The following PTPN4 variants were observed in gnomAD, a reference collection of about 807,000 sequenced individuals.
PTPN4 encodes tyrosine-protein phosphatase non-receptor type 4.
PTPN4 carries 49 observed loss-of-function variants against 135.5 expected under a neutral mutation model. The ratio of observed to expected loss-of-function variants is 0.36; its 90% CI spans 0.29 to 0.46. The LOEUF (loss-of-function observed/expected upper bound fraction) is 0.46, where lower values mean the gene tolerates loss of function less well. PTPN4 is among the 20% of genes least tolerant of loss of function. The pLI, the probability that PTPN4 is intolerant of heterozygous loss-of-function variation, is 1.00. For synonymous variants in PTPN4, 333 were observed against 369.9 expected (o/e 0.90, Z 1.14); for missense variants, 860 against 1,101.0 (o/e 0.78, Z 3.10).
At chr2:119,817,441 A>G (rs1489185538) in intron 2 of PTPN4, among the ~76,000 whole-genome samples, 1 of 150,586 alleles carries the variant, frequency 6.6e-6, no homozygotes, top group Non-Finnish European at 1.5e-5. Flanking sequence ...TCTGACCATT[A>G]TGTGTCTTGG....
intron 2 of PTPN4, among the ~76,000 whole-genome samples, chr2:119,849,870 A>G (rs577369997): frequency 1.3e-5 from 2 of 152,326 alleles, no homozygotes; most frequent in East Asian, 3.9e-4. Flanking sequence ...AGCTTCAATA[A>G]TTATTGTCTA....
At chr2:119,908,143 G>T (rs1678516415) in intron 10 of PTPN4, among the ~76,000 whole-genome samples, 1 of 152,096 alleles carries the variant, frequency 6.6e-6, no homozygotes, top group African/African-American at 2.4e-5. Context: ...GGAAACAATC[G>T]ACAGAGTATA....
At chr2:119,921,235 G>T (rs554708982) in intron 12 of PTPN4, among the ~76,000 whole-genome samples, 6 of 152,064 alleles carry the variant, frequency 3.9e-5, no homozygotes, top group African/African-American at 1.4e-4. Flanking sequence ...TTCATGAGCC[G>T]ACATCTCGCC....
intron 14 of PTPN4, among the ~76,000 whole-genome samples, chr2:119,933,544 G>A (rs910507578): frequency 6.6e-6 from 1 of 151,642 alleles, no homozygotes. Context: ...GCTGAGCATG[G>A]TGGCGTGCAC....
rs1679725172 is a variant in PTPN4 at position 119,983,541 on chromosome 2, CTA to C, written c.*6472_*6473del. The C allele has an allele frequency of 6.6e-6, 1 of 152,174 alleles. No homozygotes were observed. The highest frequency in any genetic ancestry group is 1.5e-5 in the Non-Finnish European group (1 of 68,036). 9.4% of individuals were successfully genotyped at this position (152,174 alleles called of 1,614,324 possible). On this transcript the variant is annotated 3_prime_UTR_variant, in exon 27 of 27. Transcript: ENST00000263708. ...GGCAAGATTAGGTCAAATTTCAATG[CTA>C]AATTTGATTTTTTGAATTTTAAATA... is the stretch of plus-strand genomic sequence containing the variant.
chr2:119,935,362 T>A (rs1678966866), intron 15 of PTPN4, among the ~76,000 whole-genome samples: 2 of 152,182 alleles, frequency 1.3e-5, no homozygotes, highest in Admixed American at 6.5e-5. Context: ...GAAGATTTTT[T>A]AATTTACCTA....
intron 2 of PTPN4, among the ~76,000 whole-genome samples, chr2:119,843,639 C>T (rs1677419233): frequency 1.1e-5 from 1 of 90,768 alleles, no homozygotes; most frequent in African/African-American, 5.2e-5. Flanking sequence ...CCCACCTTCC[C>T]TCCCGGACGG....
chr2:119,803,105 A>G (rs1691404741), intron 1 of PTPN4, among the ~76,000 whole-genome samples: 1 of 152,106 alleles, frequency 6.6e-6, no homozygotes, highest in Admixed American at 6.5e-5. Flanking sequence ...CTAGAGGTTT[A>G]TTATGTTTAT....
At chr2:119,827,166 G>A (rs1330942339) in intron 2 of PTPN4, among the ~76,000 whole-genome samples, 5 of 152,292 alleles carry the variant, frequency 3.3e-5, no homozygotes, top group Middle Eastern at 3.4e-3. Context: ...GATAGTGTGC[G>A]TTGTGAGAAT....
At chr2:119,947,286 C>A (rs1265618016) in intron 18 of PTPN4, among the ~76,000 whole-genome samples, 3 of 152,170 alleles carry the variant, frequency 2.0e-5, no homozygotes, top group Non-Finnish European at 4.4e-5. Flanking sequence ...AAGGTATGAA[C>A]CAGCAGCCTG....
chr2:119,852,194 C>G lies in PTPN4; in HGVS notation c.139-10342C>G, dbSNP rs138495204. Among the ~76,000 whole-genome samples the G allele has an allele frequency of 2.6e-5, 4 of 152,282 alleles. No individual in the cohort carries two copies. The East Asian group carries it at 7.7e-4, about 29-fold the overall frequency. On this transcript the variant is annotated intron_variant, in intron 2 of 26. Coordinates refer to ENST00000263708, the MANE Select transcript of PTPN4 (RefSeq NM_002830.4). ...GTCATAAGTTGTAAATCAACCCTAC[C>G]TCCTTCTTTTTTCCGCTTCTCCTTT...
intron 19 of PTPN4, 147 bp from the exon 20 acceptor site, chr2:119,955,010 A>G (rs1174259266): frequency 1.5e-6 from 1 of 682,238 alleles, no homozygotes; most frequent in Non-Finnish European, 2.3e-6. Flanking sequence ...GTCCCCCCAT[A>G]GTGACACCAG....
intron 20 of PTPN4, 132 bp downstream of exon 20, chr2:119,955,455 A>C (rs1287907604): frequency 3.7e-6 from 3 of 821,474 alleles, no homozygotes; most frequent in Admixed American, 4.2e-5. Flanking sequence ...TTTGACATAA[A>C]GAGTTCTAAA....
intron 1 of PTPN4, among the ~76,000 whole-genome samples, chr2:119,782,306 A>C (rs10179136): frequency 0.42 from 63,875 of 151,708 alleles, 13,793 homozygotes; most frequent in African/African-American, 0.48. Context: ...GTAATCCCAG[A>C]TACTCAGGAG....
intron 1 of PTPN4, among the ~76,000 whole-genome samples, chr2:119,769,106 T>A (rs1329741241): frequency 6.6e-6 from 1 of 152,204 alleles, no homozygotes; most frequent in African/African-American, 2.4e-5. Context: ...AGAGGCACAC[T>A]GACAGAGCTC....
In PTPN4 at chr2:119,980,122, TTGA is replaced by T. The variant is rs1679670210; in HGVS notation, c.*3057_*3059del. On this transcript the variant is annotated 3_prime_UTR_variant, in exon 27 of 27. Coordinates refer to ENST00000263708, the MANE Select transcript of PTPN4 (RefSeq NM_002830.4). ...GGAGAAAGAGGTGAGAGGGGAGTGG[TTGA>T]TGATTTTAATCAAGAGTAAAGGGAA... The T allele has an allele frequency of 6.6e-6, 1 of 152,080 alleles. No homozygotes were observed. Among genetic ancestry groups the T allele is most frequent in the Admixed American group, 6.6e-5 (1 of 15,256 alleles). 9.4% of individuals were successfully genotyped at this position (152,080 alleles called of 1,614,324 possible).
At chr2:119,782,187 C>G (rs370992056) in intron 1 of PTPN4, among the ~76,000 whole-genome samples, 19 of 152,090 alleles carry the variant, frequency 1.2e-4, no homozygotes, top group Admixed American at 5.9e-4. Context: ...GAGGCCAAAG[C>G]GGGCAGATCA....
chr2:119,862,712 CTGATT>C, intron 3 of PTPN4, 69 bp downstream of exon 3: 1 of 1,304,460 alleles, frequency 7.7e-7, no homozygotes, highest in Non-Finnish European at 1.1e-6. Context: ...AAAGTCCTTT[CTGATT>C]TACAGTGTTC....
chr2:119,980,906 TC>T lies in PTPN4; in HGVS notation c.*3838del, dbSNP rs1233544058. On this transcript the variant is annotated 3_prime_UTR_variant, in exon 27 of 27. Coordinates refer to ENST00000263708, the MANE Select transcript of PTPN4 (RefSeq NM_002830.4). ...ATAGAACTAAGATTTAGAATATATG[TC>T]CATTTATAATGAAATAATTTGTGTT... 6.6e-6 allele frequency: 1 copy of T among 152,080 alleles called. No homozygotes were observed. The highest frequency in any genetic ancestry group is 1.5e-5 in the Non-Finnish European group (1 of 67,934). 9.4% of individuals were successfully genotyped at this position (152,080 alleles called of 1,614,324 possible).
Sources: gnomAD v4.1 joint callset for allele counts (sites outside exome capture counted in the v4.1 genomes callset) on GRCh38, gnomAD v4.1.1 for gene constraint, MANE v1.5 for transcripts, NCBI Gene and HGNC (gene_info 2026-07-23, HGNC 2026-07-21) for gene names.